DPEP1: variants seen among roughly 807,000 people sequenced by gnomAD.
The protein encoded by DPEP1 is beta-lactamase.
In DPEP1, 50 loss-of-function variants were observed where a neutral mutation model predicts 42.3. The ratio of observed to expected loss-of-function variants is 1.18; its 90% confidence interval spans 0.94 to 1.50. The LOEUF is 1.50. Among genes scored for constraint, DPEP1 ranks in the 40% most tolerant of loss-of-function variants. The pLI, the probability that DPEP1 is intolerant of heterozygous loss-of-function variation, is 0.00. For missense variants in DPEP1, 663 were observed against 553.0 expected (o/e 1.20, Z -1.99); for synonymous variants, 297 against 234.0 (o/e 1.27, Z -2.46).
chr16:89,617,028 G>C (rs964141614), intron 1 of DPEP1: 3 of 211,554 alleles, frequency 1.4e-5, no homozygotes, highest in African/African-American at 7.1e-5. Flanking sequence ...GGAGCAGAAG[G>C]GGAAGGGAGG....
At chr16:89,629,531 C>T (rs2059558061) in intron 1 of DPEP1, among the ~76,000 whole-genome samples, 1 of 147,122 alleles carries the variant, frequency 6.8e-6, no homozygotes, top group South Asian at 2.2e-4. Context: ...AGCCTCTGAC[C>T]AGTTTTCCCT....
At chr16:89,632,734 C>G (rs899671991) in intron 2 of DPEP1, among the ~76,000 whole-genome samples, 18 of 152,124 alleles carry the variant, frequency 1.2e-4, no homozygotes, top group African/African-American at 4.3e-4. Flanking sequence ...AACCAGAGGC[C>G]CCACCTTCCC....
Position 89,630,740 on chromosome 16 carries a change from C to T in DPEP1, c.104+226C>T, listed in dbSNP as rs1324773801. On this transcript the variant is annotated intron_variant, in intron 2 of 10. Coordinates refer to ENST00000690203, the MANE Select transcript of DPEP1 (RefSeq NM_001389466.1). The stretch of plus-strand genomic sequence containing the variant: ...CTGGGGGTGCCGGGGCTGGGGGTGC[C>T]GGGGCTGGGGGAGTTTGGCCTGGGG... Among the ~76,000 whole-genome samples, 6 of 4,974 alleles carry T rather than the reference C, an allele frequency of 1.2e-3. No individual in the cohort carries two copies. The East Asian group carries it at 0.031, about 26-fold the overall frequency. 3.3% of individuals were successfully genotyped at this position (4,974 alleles called of 152,430 possible). A position where few individuals can be genotyped will look rare whatever the true frequency, so the allele number is the denominator to read the frequency against.
In DPEP1 at chr16:89,635,986, G is replaced by C. The variant is rs1209063740; in HGVS notation, c.183G>C (p.Leu61Phe). ...LQDERANLTT[L>F]AGTHTNIPKL... ...ACGAGAGGGCCAACCTGACCACCTT[G>C]GCCGGCACACACACCAACATCCCCA... Residue 61 changes from leucine to phenylalanine, a missense_variant, in exon 3 of 11, where the codon TTG becomes TTC. Coordinates refer to ENST00000690203, the MANE Select transcript of DPEP1 (RefSeq NM_001389466.1). The C allele has an allele frequency of 6.2e-7, 1 of 1,612,312 alleles. No individual in the cohort carries two copies.
chr16:89,631,822 A>T (rs2059592977), intron 2 of DPEP1, among the ~76,000 whole-genome samples: 1 of 152,160 alleles, frequency 6.6e-6, no homozygotes, highest in Admixed American at 6.5e-5. Flanking sequence ...GGGCCACTGT[A>T]CTTCAGCCTG....
At chr16:89,620,792 C>T (rs1296639954) in intron 1 of DPEP1, 2 of 152,182 alleles carry the variant, frequency 1.3e-5, no homozygotes, top group African/African-American at 2.4e-5. Flanking sequence ...TCTCGGGGAG[C>T]GGGGAGCCGG....
intron 1 of DPEP1, among the ~76,000 whole-genome samples, chr16:89,624,045 T>C (rs1243256138): frequency 1.3e-5 from 2 of 151,918 alleles, no homozygotes; most frequent in East Asian, 3.9e-4. Context: ...GGGACAAAGG[T>C]TTCCCGCCCA....
chr16:89,634,859 TCTC>T (rs1221802053), intron 2 of DPEP1, among the ~76,000 whole-genome samples: 4 of 109,320 alleles, frequency 3.7e-5, no homozygotes, highest in Non-Finnish European at 8.2e-5. Flanking sequence ...TTCCCTTCCT[TCTC>T]CTTTCCCTTC....
chr16:89,625,762 C>G (rs1190774442), intron 1 of DPEP1, among the ~76,000 whole-genome samples: 1 of 152,212 alleles, frequency 6.6e-6, no homozygotes, highest in Admixed American at 6.5e-5. Context: ...CGAGGGTGAT[C>G]TGAGTGGCTG....
intron 1 of DPEP1, among the ~76,000 whole-genome samples, chr16:89,623,248 A>G (rs2059467511): frequency 2.0e-5 from 3 of 151,798 alleles, no homozygotes; most frequent in Admixed American, 2.0e-4. Context: ...TGAGCCTGGG[A>G]GTTGGAGTCC....
chr16:89,620,645 G>C (rs893238011), intron 1 of DPEP1: 1 of 152,320 alleles, frequency 6.6e-6, no homozygotes, highest in Non-Finnish European at 1.5e-5. Flanking sequence ...GGAGAGCTCC[G>C]TGGGTGGCAG....
In DPEP1 at chr16:89,637,476, A is replaced by G. The variant is rs1232584688; in HGVS notation, c.777A>G (p.Thr259=). The G allele has an allele frequency of 6.2e-7, 1 of 1,612,844 alleles. No homozygotes were observed. The highest frequency in any genetic ancestry group is 1.1e-5 in the South Asian group (1 of 91,086). ...TCTTCCTTCTTGTGCAGAAACAGAC[A>G]GACAGCCTGGTGATGGTGAACTTCT... The part of the protein sequence containing the change: ...PDDVLRLVKQ[T]DSLVMVNFYN... Residue 259 remains threonine (T), a synonymous_variant, in exon 8 of 11, where the codon ACA becomes ACG. Coordinates refer to ENST00000690203, the MANE Select transcript of DPEP1 (RefSeq NM_001389466.1).
chr16:89,633,119 C>T (rs1352392892), intron 2 of DPEP1, among the ~76,000 whole-genome samples: 8 of 152,188 alleles, frequency 5.3e-5, no homozygotes, highest in South Asian at 2.1e-4. Flanking sequence ...TGCCCAGCCC[C>T]ACCCAGGACA....
chr16:89,625,743 A>G (rs1236931420), intron 1 of DPEP1, among the ~76,000 whole-genome samples: 2 of 152,308 alleles, frequency 1.3e-5, no homozygotes, highest in Non-Finnish European at 1.5e-5. Context: ...TAAGGTGACT[A>G]CCTTGATCCG....
rs201093864 is a variant in DPEP1 at position 89,637,243 on chromosome 16, G to T, written c.631G>T (p.Asp211Tyr). 1 of 1,612,714 alleles carries T rather than the reference G, an allele frequency of 6.2e-7. No individual in the cohort carries two copies. The highest frequency in any genetic ancestry group is 1.7e-5 in the Admixed American group (1 of 60,004). ...KELNRLGVLI[D>Y]LAHVSVATMK... ...GCTGAACCGTCTGGGGGTCCTCATC[G>T]ACTTGGCTCACGTGTCTGTGGCCAC... is the stretch of plus-strand genomic sequence containing the variant. The change falls in exon 7 of 11, where the codon GAC becomes TAC. Residue 211 changes from aspartate to tyrosine, a missense_variant. Asp to Tyr is a radical substitution (Grantham distance 160). Coordinates refer to ENST00000690203, the MANE Select transcript of DPEP1 (RefSeq NM_001389466.1).
intron 2 of DPEP1, among the ~76,000 whole-genome samples, chr16:89,631,935 A>C (rs1239406182): frequency 6.6e-6 from 1 of 152,148 alleles, no homozygotes; most frequent in African/African-American, 2.4e-5. Flanking sequence ...ATGGTTTAAA[A>C]TGGCCATGCC....
chr16:89,634,525 GTTCCCCTTCCTTCTCCT>G lies in DPEP1; in HGVS notation c.105-1360_105-1344del, dbSNP rs1156550716. ...CAGCCCCAGCTCCCCCTTCCTCTGC[GTTCCCCTTCCTTCTCCT>G]TTCCCCTTCCTTCTCCTTTCCCTTC... On this transcript the variant is annotated intron_variant, in intron 2 of 10. Coordinates refer to ENST00000690203, the MANE Select transcript of DPEP1 (RefSeq NM_001389466.1). Among the ~76,000 whole-genome samples, 43 of 139,380 alleles carry G rather than the reference GTTCCCCTTCCTTCTCCT, an allele frequency of 3.1e-4. 2 individuals carry two copies. Among genetic ancestry groups the G allele is most frequent in the African/African-American group, 1.0e-3 (37 of 35,312 alleles). The allele number at this position is 139,380 out of a possible 152,430, so 91.4% of individuals were successfully genotyped here. A position where few individuals can be genotyped will look rare whatever the true frequency, so the allele number is the denominator to read the frequency against.
At chr16:89,626,789 A>G (rs1254106862) in intron 1 of DPEP1, among the ~76,000 whole-genome samples, 1 of 151,866 alleles carries the variant, frequency 6.6e-6, no homozygotes, top group African/African-American at 2.4e-5. Context: ...GCCATGTGGA[A>G]CTGTGAGTCA....
chr16:89,621,507 C>T (rs866941302), intron 1 of DPEP1, among the ~76,000 whole-genome samples: 4 of 152,178 alleles, frequency 2.6e-5, no homozygotes, highest in African/African-American at 7.2e-5. Context: ...CTGCTGTGAG[C>T]CACCGGGGCC....
Sources: gnomAD v4.1 joint callset for allele counts (sites outside exome capture counted in the v4.1 genomes callset) on GRCh38, gnomAD v4.1.1 for gene constraint, MANE v1.5 for transcripts, NCBI Gene and HGNC (gene_info 2026-07-23, HGNC 2026-07-21) for gene names.